CPSF4: variants seen among roughly 807,000 people sequenced by gnomAD.
The protein encoded by CPSF4 is cleavage and polyadenylation specific factor 4.
A neutral mutation model predicts 37.7 loss-of-function variants in CPSF4; 11 were observed. That is an observed-to-expected ratio of 0.29 (90% CI 0.18 to 0.48). The LOEUF is 0.48. CPSF4 is among the 20% of genes least tolerant of loss of function. The probability of loss-of-function intolerance (pLI) is 0.99; values close to 1 mark genes in which losing one functional copy is unlikely to be tolerated. For missense variants in CPSF4, 144 were observed against 359.5 expected (o/e 0.40, Z 4.85); for synonymous variants, 132 against 135.9 (o/e 0.97, Z 0.20).
At position 99,438,960 on chromosome 7, in the gene CPSF4, G is replaced by A; in HGVS notation, c.-123G>A. ...GCGCTCCCGGCATCCCTCGGGCGGCGGCGGCGGCGGCGGCGAGGCGAAGCG... is the reference window on the plus strand; with the variant it reads ...GCGCTCCCGGCATCCCTCGGGCGGCAGCGGCGGCGGCGGCGAGGCGAAGCG... On this transcript the variant is annotated 5_prime_UTR_variant, in exon 1 of 8. Coordinates refer to ENST00000292476, the MANE Select transcript of CPSF4 (RefSeq NM_006693.4). 5 of 1,334,416 alleles carry A rather than the reference G, an allele frequency of 3.7e-6. No individual in the cohort carries two copies. The highest frequency in any genetic ancestry group is 4.8e-6 in the Non-Finnish European group (5 of 1,037,816). 82.7% of individuals were successfully genotyped at this position (1,334,416 alleles called of 1,614,324 possible).
At position 99,448,459 on chromosome 7, in the gene CPSF4, C is replaced by CTTT. The variant is rs557905583; in HGVS notation, c.307+205_307+207dup. The CTTT allele has an allele frequency of 6.3e-4, 202 of 320,790 alleles. No homozygotes were observed. The highest frequency in any genetic ancestry group is 1.2e-3 in the South Asian group (30 of 25,932). The allele number at this position is 320,790 out of a possible 1,614,324, so 19.9% of individuals were successfully genotyped here. On this transcript the variant is annotated intron_variant, in intron 3 of 7. Transcript: ENST00000292476. This position sits in a 1 kb window ranked among gnomAD's most constrained non-coding sequence, Gnocchi z 4.4. Reference sequence around the variant, plus strand: ...CAGTGTGGCTATTTTCTGCTCATCTCTTTTTTTTTTTTTTTTTTTTTAAAG... The same window carrying CTTT: ...CAGTGTGGCTATTTTCTGCTCATCTCTTTTTTTTTTTTTTTTTTTTTTTTAAAG...
At chr7:99,442,840 A>T in intron 1 of CPSF4, 1 of 949,340 alleles carries the variant, frequency 1.1e-6, no homozygotes, top group East Asian at 2.4e-5. Flanking sequence ...AGAATGAGAG[A>T]AGTGGAAAAC....
intron 3 of CPSF4, among the ~76,000 whole-genome samples, chr7:99,449,683 C>T (rs570237760): frequency 1.1e-4 from 16 of 152,206 alleles, no homozygotes; most frequent in African/African-American, 2.9e-4. Context: ...GGCCATGAGA[C>T]GAACAGAGAA....
At chr7:99,444,985 C>G (rs1388065965) in intron 2 of CPSF4, 146 bp downstream of exon 2, 2 of 713,246 alleles carry the variant, frequency 2.8e-6, no homozygotes, top group East Asian at 2.6e-5. Context: ...TTTGGACAGG[C>G]TAGGACCCTG....
Position 99,448,676 on chromosome 7 carries a change from G to A in CPSF4, c.307+403G>A, listed in dbSNP as rs1214029097. The A allele has an allele frequency of 2.5e-5, 4 of 160,190 alleles. No individual in the cohort carries two copies. The highest frequency in any genetic ancestry group is 1.7e-4 in the South Asian group (1 of 5,770). The allele number at this position is 160,190 out of a possible 1,614,324, so 9.9% of individuals were successfully genotyped here. ...GATTTGAGGCTAACGAGGGTGACCC[G>A]GAAGCAGCGAGTTGTGCAGCTGGCT... On this transcript the variant is annotated intron_variant, in intron 3 of 7. Coordinates refer to ENST00000292476, the MANE Select transcript of CPSF4 (RefSeq NM_006693.4). This position sits in a 1 kb window ranked among gnomAD's most constrained non-coding sequence, Gnocchi z 4.4.
At chr7:99,441,854 A>G (rs1333410089) in intron 1 of CPSF4, among the ~76,000 whole-genome samples, 2 of 151,778 alleles carry the variant, frequency 1.3e-5, no homozygotes, top group Non-Finnish European at 2.9e-5. Flanking sequence ...ACCATGTCTG[A>G]CTAATTTTTG....
chr7:99,443,730 C>A (rs1797228930), intron 1 of CPSF4, among the ~76,000 whole-genome samples: 1 of 151,980 alleles, frequency 6.6e-6, no homozygotes, highest in South Asian at 2.1e-4. Flanking sequence ...ACCAGCCTGG[C>A]CAACATGGCA....
At chr7:99,442,301 A>G (rs1189676156) in intron 1 of CPSF4, among the ~76,000 whole-genome samples, 2 of 151,460 alleles carry the variant, frequency 1.3e-5, no homozygotes, top group African/African-American at 4.8e-5. Context: ...ATTCCAGCAC[A>G]CTCCGACTGT....
chr7:99,443,765 A>C (rs1056691302), intron 1 of CPSF4, among the ~76,000 whole-genome samples: 1 of 152,028 alleles, frequency 6.6e-6, no homozygotes, highest in Non-Finnish European at 1.5e-5. Context: ...CTAAAAATAC[A>C]AAAAAATTGG....
intron 3 of CPSF4, among the ~76,000 whole-genome samples, chr7:99,449,390 C>G (rs1341156984): frequency 6.6e-6 from 1 of 152,246 alleles, no homozygotes; most frequent in Non-Finnish European, 1.5e-5. Context: ...CATAGCAGCA[C>G]TGGGGCAGCA....
chr7:99,440,674 A>ATGTTTTTTTTTT, intron 1 of CPSF4, among the ~76,000 whole-genome samples: 7 of 88,082 alleles, frequency 7.9e-5, no homozygotes, highest in Admixed American at 1.2e-4. Context: ...ATATATATAT[A>ATGTTTTTTTTTT]TTTTTTTTTT....
intron 1 of CPSF4, among the ~76,000 whole-genome samples, chr7:99,440,410 G>A (rs971506081): frequency 2.6e-5 from 4 of 151,744 alleles, no homozygotes; most frequent in Non-Finnish European, 5.9e-5. Flanking sequence ...GTGCAGTGAC[G>A]CAATCATGGC....
At position 99,448,559 on chromosome 7, in the gene CPSF4, C is replaced by A; in HGVS notation, c.307+286C>A. Reference sequence around the variant, plus strand: ...GAGTGATCTGCCTGCCTCAGCCTCCCAAAGTGCTGGGATTACAGGCGTGAG... The same window carrying A: ...GAGTGATCTGCCTGCCTCAGCCTCCAAAAGTGCTGGGATTACAGGCGTGAG... On this transcript the variant is annotated intron_variant, in intron 3 of 7. Transcript: ENST00000292476. The surrounding 1 kb of genome is among the most constrained non-coding windows in gnomAD (Gnocchi z 4.4). 1 of 313,766 alleles carries A rather than the reference C, an allele frequency of 3.2e-6. No homozygotes were observed. Among genetic ancestry groups the A allele is most frequent in the South Asian group, 4.1e-5 (1 of 24,502 alleles). 19.4% of individuals were successfully genotyped at this position (313,766 alleles called of 1,614,324 possible). A position where few individuals can be genotyped will look rare whatever the true frequency, so the allele number is the denominator to read the frequency against.
chr7:99,447,895 C>G (rs1331995530), intron 2 of CPSF4: 19 of 588,130 alleles, frequency 3.2e-5, no homozygotes, highest in South Asian at 2.9e-4. Context: ...CCAGCGTGAT[C>G]CACTGCGCCC....
At chr7:99,440,220 T>A (rs1328189350) in intron 1 of CPSF4, among the ~76,000 whole-genome samples, 1 of 151,652 alleles carries the variant, frequency 6.6e-6, no homozygotes, top group Non-Finnish European at 1.5e-5. Flanking sequence ...AGCTCTCCAG[T>A]GTTGTGTGCT....
rs372398619 is a variant in CPSF4 at position 99,454,148 on chromosome 7, G to T, written c.741+12G>T. On this transcript the variant is annotated intron_variant, in intron 7 of 7. Coordinates refer to ENST00000292476, the MANE Select transcript of CPSF4 (RefSeq NM_006693.4). ...TCACCTGTTACAAGGTGAGTCCCTG[G>T]GCTGGGGGACAGGGTGGGGTCTTCC... The T allele has an allele frequency of 1.2e-6, 2 of 1,609,942 alleles. No homozygotes were observed. Among genetic ancestry groups the T allele is most frequent in the African/African-American group, 2.7e-5 (2 of 74,888 alleles).
chr7:99,443,489 G>T, intron 1 of CPSF4: 1 of 833,636 alleles, frequency 1.2e-6, no homozygotes, highest in Non-Finnish European at 2.1e-6. Context: ...CACCATCTCA[G>T]TTACCATCTT....
intron 5 of CPSF4, 62 bp from the exon 6 acceptor site, chr7:99,452,306 C>G (rs1374046011): frequency 1.4e-6 from 2 of 1,402,048 alleles, no homozygotes; most frequent in Admixed American, 3.4e-5. Flanking sequence ...CCTGGCTTCT[C>G]TTCTCATCCC....
At position 99,440,672 on chromosome 7, in the gene CPSF4, ATATTTTTT is replaced by A. The variant is rs1316419947; in HGVS notation, c.103+1489_103+1496del. Among the ~76,000 whole-genome samples the A allele has an allele frequency of 3.7e-5, 3 of 81,980 alleles. No homozygotes were observed. In the African/African-American group the frequency reaches 4.0e-4, roughly 11 times the overall value. The allele number at this position is 81,980 out of a possible 152,430, so 53.8% of individuals were successfully genotyped here. On this transcript the variant is annotated intron_variant, in intron 1 of 7. Coordinates refer to ENST00000292476, the MANE Select transcript of CPSF4 (RefSeq NM_006693.4). ...GCACCTGGCATATATATATATATATATATTTTTTTTTTTTTTTTTTTCCTGCCTGTCCC... is the reference window on the plus strand; with the variant it reads ...GCACCTGGCATATATATATATATATATTTTTTTTTTTTTCCTGCCTGTCCC...
Sources: allele counts gnomAD v4.1 joint callset (sites outside exome capture counted in the v4.1 genomes callset), GRCh38; gene constraint gnomAD v4.1.1; non-coding constraint Gnocchi (gnomAD v3.1); transcripts MANE v1.5; gene names NCBI Gene and HGNC (gene_info 2026-07-23, HGNC 2026-07-21).